Variants in PTPN14 observed in about 807,000 individuals in gnomAD.
PTPN14 encodes the protein tyrosine-protein phosphatase non-receptor type 14.
PTPN14 carries 53 observed loss-of-function variants against 126.8 expected under a neutral mutation model. The ratio of observed to expected loss-of-function variants is 0.42; its 90% confidence interval spans 0.34 to 0.53. The LOEUF is 0.53. PTPN14 is among the 20% of genes least tolerant of loss of function. The pLI, the probability that PTPN14 is intolerant of heterozygous loss-of-function variation, is 0.08. For synonymous variants in PTPN14, 630 were observed against 599.3 expected, an observed-to-expected ratio of 1.05 and a Z score of -0.75; for missense variants, 1,257 against 1,552.9, an observed-to-expected ratio of 0.81 and a Z score of 3.20.
intron 2 of PTPN14, among the ~76,000 whole-genome samples, chr1:214,455,726 G>C (rs1185310440): frequency 2.0e-5 from 3 of 152,076 alleles, no homozygotes; most frequent in Non-Finnish European, 4.4e-5. Context: ...TCATTTATTT[G>C]GTTTGGTGTA....
chr1:214,366,508 T>C (rs3002303), intron 17 of PTPN14, among the ~76,000 whole-genome samples: 122,865 of 152,134 alleles, frequency 0.81, 50,190 homozygotes, highest in African/African-American at 0.93. Context: ...ACTAATAAAG[T>C]TCCTTACGCT....
chr1:214,533,809 C>A (rs1408615075), intron 1 of PTPN14, among the ~76,000 whole-genome samples: 6 of 148,828 alleles, frequency 4.0e-5, no homozygotes, highest in Non-Finnish European at 7.4e-5. Flanking sequence ...TGCACTCCAG[C>A]CTGGGCGACA....
chr1:214,533,738 G>T (rs1457322363), intron 1 of PTPN14, among the ~76,000 whole-genome samples: 4 of 151,846 alleles, frequency 2.6e-5, no homozygotes, highest in African/African-American at 9.7e-5. Context: ...TCTGGAGACT[G>T]AGGCGGGAGA....
chr1:214,428,272 A>T (rs924097564), intron 3 of PTPN14, among the ~76,000 whole-genome samples: 6 of 152,232 alleles, frequency 3.9e-5, no homozygotes, highest in Non-Finnish European at 7.3e-5. Context: ...GAATTCAAGG[A>T]TGACTGCAAG....
intron 2 of PTPN14, among the ~76,000 whole-genome samples, chr1:214,460,125 A>C (rs969183651): frequency 2.6e-5 from 4 of 151,998 alleles, no homozygotes; most frequent in Admixed American, 1.3e-4. Flanking sequence ...AGGTCACCCT[A>C]TGCTGCAGCC....
At position 214,483,509 on chromosome 1, in the gene PTPN14, C is replaced by A. The variant is rs537415420; in HGVS notation, c.-154-18552G>T. 57 of 666,608 alleles carry A rather than the reference C, an allele frequency of 8.6e-5. No individual in the cohort carries two copies. The South Asian group carries it at 9.9e-4, about 12-fold the overall frequency. The allele number at this position is 666,608 out of a possible 1,614,324, so 41.3% of individuals were successfully genotyped here. A position where few individuals can be genotyped will look rare whatever the true frequency, so the allele number is the denominator to read the frequency against. Reference sequence around the variant, plus strand: ...GCCTCCAGTTAACAACTTTCACTGTCTTGAAGTTTCTTCTTTGTAAAATAT... The same window carrying A: ...GCCTCCAGTTAACAACTTTCACTGTATTGAAGTTTCTTCTTTGTAAAATAT... On this transcript the variant is annotated intron_variant, in intron 1 of 18. Coordinates refer to ENST00000366956, the MANE Select transcript of PTPN14 (RefSeq NM_005401.5).
intron 16 of PTPN14, 124 bp downstream of exon 16, chr1:214,372,587 G>C (rs1171543033): frequency 7.4e-7 from 1 of 1,357,374 alleles, no homozygotes; most frequent in Non-Finnish European, 1.0e-6. Flanking sequence ...AAAGAGAAAA[G>C]CATGTGCAGA....
chr1:214,533,847 A>AAC (rs1337657586), intron 1 of PTPN14, among the ~76,000 whole-genome samples: 30 of 151,434 alleles, frequency 2.0e-4, no homozygotes, highest in African/African-American at 7.3e-4. Flanking sequence ...AAAAAACAAA[A>AAC]AAAAAAAAAA....
chr1:214,539,450 T>G (rs1655785640), intron 1 of PTPN14, among the ~76,000 whole-genome samples: 1 of 152,076 alleles, frequency 6.6e-6, no homozygotes, highest in African/African-American at 2.4e-5. Flanking sequence ...AACCAAACAA[T>G]AAGGAGATAG....
rs566548192 is a variant in PTPN14 at position 214,418,258 on chromosome 1, C to T, written c.345-3532G>A. On this transcript the variant is annotated intron_variant, in intron 3 of 18. Transcript: ENST00000366956. ...AGACAGCTGGGAACAGAGCCTCAGA[C>T]GACCCACAGTGGATCTGTCAGGTGG... 1.2e-4 allele frequency among the ~76,000 whole-genome samples: 19 copies of T among 152,298 alleles called. 1 individual carries two copies. The highest frequency in any genetic ancestry group is 1.0e-3 in the South Asian group (5 of 4,826).
At chr1:214,413,840 T>C (rs1247933565) in intron 4 of PTPN14, among the ~76,000 whole-genome samples, 1 of 152,092 alleles carries the variant, frequency 6.6e-6, no homozygotes, top group Non-Finnish European at 1.5e-5. Flanking sequence ...GGCTAATTCT[T>C]GTATTTTTAT....
chr1:214,489,920 C>G (rs773525078), intron 1 of PTPN14, among the ~76,000 whole-genome samples: 14 of 152,198 alleles, frequency 9.2e-5, no homozygotes, highest in Non-Finnish European at 1.6e-4. Context: ...AAAATAAAGG[C>G]TAACAGTAGC....
At position 214,420,137 on chromosome 1, in the gene PTPN14, C is replaced by T. The variant is rs116661283; in HGVS notation, c.345-5411G>A. Among the ~76,000 whole-genome samples the T allele has an allele frequency of 7.9e-3, 1,203 of 152,288 alleles. 4 individuals carry two copies. Among genetic ancestry groups the T allele is most frequent in the African/African-American group, 0.012 (503 of 41,546 alleles). On this transcript the variant is annotated intron_variant, in intron 3 of 18. Coordinates refer to ENST00000366956, the MANE Select transcript of PTPN14 (RefSeq NM_005401.5). ...CGAATACTCCTGCAACTATGCAAAACTGAAATAACCCCATAGGGAGGGGGA... is the reference window on the plus strand; with the variant it reads ...CGAATACTCCTGCAACTATGCAAAATTGAAATAACCCCATAGGGAGGGGGA...
chr1:214,438,772 G>C (rs1659975242), intron 3 of PTPN14, among the ~76,000 whole-genome samples: 1 of 152,146 alleles, frequency 6.6e-6, no homozygotes, highest in African/African-American at 2.4e-5. Context: ...CTTCTGCCAG[G>C]TGACTGATAC....
At position 214,474,827 on chromosome 1, in the gene PTPN14, C is replaced by G. The variant is rs151237140; in HGVS notation, c.-154-9870G>C. Among the ~76,000 whole-genome samples, 891 of 152,272 alleles carry G rather than the reference C, an allele frequency of 5.9e-3. 7 individuals carry two copies. The highest frequency in any genetic ancestry group is 0.021 in the African/African-American group (867 of 41,556). On this transcript the variant is annotated intron_variant, in intron 1 of 18. Coordinates refer to ENST00000366956, the MANE Select transcript of PTPN14 (RefSeq NM_005401.5). Reference sequence around the variant, plus strand: ...TGTTTAAAAAGATCATTTCTCCACCCCCTGCTTTAAGGATTACTGTCTTGA... The same window carrying G: ...TGTTTAAAAAGATCATTTCTCCACCGCCTGCTTTAAGGATTACTGTCTTGA...
intron 5 of PTPN14, among the ~76,000 whole-genome samples, chr1:214,404,693 G>C (rs1659121641): frequency 1.3e-5 from 2 of 152,292 alleles, no homozygotes; most frequent in South Asian, 4.1e-4. Flanking sequence ...GAGAGTGCGA[G>C]CATGGCCCTG....
intron 2 of PTPN14, among the ~76,000 whole-genome samples, chr1:214,461,231 C>T (rs550531576): frequency 1.8e-4 from 27 of 152,294 alleles, no homozygotes; most frequent in African/African-American, 5.8e-4. Context: ...ATCCACCATA[C>T]ATCCTTTCCT....
At chr1:214,370,725 A>G (rs1213836517) in intron 16 of PTPN14, among the ~76,000 whole-genome samples, 1 of 152,142 alleles carries the variant, frequency 6.6e-6, no homozygotes, top group Non-Finnish European at 1.5e-5. Context: ...TCAGCTTTGC[A>G]CCGTTTTAAA....
chr1:214,417,302 T>G (rs1659447400), intron 3 of PTPN14, among the ~76,000 whole-genome samples: 1 of 152,214 alleles, frequency 6.6e-6, no homozygotes. Context: ...TAACTTTTTA[T>G]TAAATACAGA....
Sources: allele counts gnomAD v4.1 joint callset (sites outside exome capture counted in the v4.1 genomes callset), GRCh38; gene constraint gnomAD v4.1.1; transcripts MANE v1.5; gene names NCBI Gene and HGNC (gene_info 2026-07-23, HGNC 2026-07-21).